The following WWOX variants were observed in gnomAD, a reference collection of about 807,000 sequenced individuals.
WWOX encodes the protein WW domain containing oxidoreductase, also known as WW domain-containing oxidoreductase.
Under a neutral mutation model 46.2 loss-of-function variants are expected in WWOX, and 69 were observed. That is an observed-to-expected ratio of 1.49 (90% CI 1.23 to 1.82). The LOEUF (loss-of-function observed/expected upper bound fraction) is 1.82, where lower values mean the gene tolerates loss of function less well. Among genes scored for constraint, WWOX ranks in the 40% most tolerant of loss-of-function variants. WWOX has a pLI of 0.00. For missense variants in WWOX, 919 were observed against 542.6 expected (o/e 1.69, Z -6.89); for synonymous variants, 359 against 202.6 (o/e 1.77, Z -6.56).
At chr16:79,063,013 G>A (rs986301873) in intron 8 of WWOX, among the ~76,000 whole-genome samples, 2 of 152,192 alleles carry the variant, frequency 1.3e-5, no homozygotes, top group African/African-American at 4.8e-5. Flanking sequence ...ATTTTGGCAG[G>A]TACCCTGCTT....
At chr16:78,546,092 C>G (rs969870442) in intron 8 of WWOX, among the ~76,000 whole-genome samples, 3 of 152,270 alleles carry the variant, frequency 2.0e-5, no homozygotes, top group Admixed American at 6.5e-5. Flanking sequence ...GGTCCCTACC[C>G]TCTGTCAGTT....
At chr16:78,920,528 C>T (rs991204567) in intron 8 of WWOX, among the ~76,000 whole-genome samples, 3 of 152,134 alleles carry the variant, frequency 2.0e-5, no homozygotes, top group South Asian at 2.1e-4. Flanking sequence ...TTGTCAGTCA[C>T]GTAGAAAGCA....
At chr16:78,814,453 A>G (rs1313149657) in intron 8 of WWOX, among the ~76,000 whole-genome samples, 3 of 151,908 alleles carry the variant, frequency 2.0e-5, no homozygotes, top group African/African-American at 7.3e-5. Context: ...TGATGAAACT[A>G]CCAAGAAGCC....
intron 8 of WWOX, among the ~76,000 whole-genome samples, chr16:78,547,523 A>G (rs1216840429): frequency 6.6e-6 from 1 of 152,192 alleles, no homozygotes; most frequent in African/African-American, 2.4e-5. Context: ...CTCATTCATT[A>G]GGCCATCCAG....
At chr16:78,904,009 A>G (rs1037090292) in intron 8 of WWOX, among the ~76,000 whole-genome samples, 3 of 152,118 alleles carry the variant, frequency 2.0e-5, no homozygotes, top group Non-Finnish European at 4.4e-5. Flanking sequence ...ATAAGCTATA[A>G]TCATATATCA....
At chr16:78,171,256 T>C (rs1176283501) in intron 5 of WWOX, among the ~76,000 whole-genome samples, 3 of 152,184 alleles carry the variant, frequency 2.0e-5, no homozygotes, top group Non-Finnish European at 2.9e-5. Context: ...TAAGGAACGA[T>C]GGGTAGGATG....
chr16:79,019,257 T>C lies in WWOX; in HGVS notation c.1057-192351T>C, dbSNP rs971114001. Among the ~76,000 whole-genome samples the C allele has an allele frequency of 9.0e-5, 13 of 144,748 alleles. No homozygotes were observed. In the South Asian group the frequency reaches 2.2e-3, roughly 24 times the overall value. 95.0% of individuals were successfully genotyped at this position (144,748 alleles called of 152,430 possible). ...GCAGTGGGGATGCAATTCTGAGAAA[T>C]GCATGGTTAGGTGGTTTCATCATTG... On this transcript the variant is annotated intron_variant, in intron 8 of 8. Coordinates refer to ENST00000566780, the MANE Select transcript of WWOX (RefSeq NM_016373.4).
At chr16:78,485,484 T>C (rs572567844) in intron 8 of WWOX, among the ~76,000 whole-genome samples, 12 of 152,314 alleles carry the variant, frequency 7.9e-5, no homozygotes, top group African/African-American at 2.2e-4. Context: ...TGGAAAGTTA[T>C]TTTGCCTCAC....
intron 8 of WWOX, among the ~76,000 whole-genome samples, chr16:78,696,243 C>G (rs1470063920): frequency 6.6e-6 from 1 of 152,176 alleles, no homozygotes; most frequent in African/African-American, 2.4e-5. Context: ...GATACTAATA[C>G]CTGCCTTCCT....
At chr16:78,254,628 C>A (rs534881502) in intron 5 of WWOX, among the ~76,000 whole-genome samples, 103 of 151,512 alleles carry the variant, frequency 6.8e-4, no homozygotes, top group Non-Finnish European at 1.1e-3. Flanking sequence ...ACCTCAGCCT[C>A]CCAAGTAGCT....
intron 8 of WWOX, among the ~76,000 whole-genome samples, chr16:78,640,320 C>T (rs184845767): frequency 3.1e-4 from 43 of 138,596 alleles, no homozygotes; most frequent in African/African-American, 1.2e-3. Context: ...ACTTCCAAAT[C>T]CAGATCTCTG....
chr16:78,540,676 T>C (rs1380169387), intron 8 of WWOX, among the ~76,000 whole-genome samples: 3 of 151,826 alleles, frequency 2.0e-5, no homozygotes, highest in Non-Finnish European at 2.9e-5. Flanking sequence ...CCTGCAAATT[T>C]TATCTAGTGG....
Position 79,212,199 on chromosome 16 carries a change from A to C in WWOX, c.*403A>C. 8.3e-6 allele frequency: 12 copies of C among 1,453,904 alleles called. No individual in the cohort carries two copies. The highest frequency in any genetic ancestry group is 2.5e-5 in the East Asian group (1 of 40,414). 90.1% of individuals were successfully genotyped at this position (1,453,904 alleles called of 1,614,324 possible). On this transcript the variant is annotated 3_prime_UTR_variant, in exon 9 of 9. Coordinates refer to ENST00000566780, the MANE Select transcript of WWOX (RefSeq NM_016373.4). ...TGCAGCCGGGGGCTGGCCTTCTCCT[A>C]CTTAGGGAAGAAAAAGCAAGTGTTC... is the stretch of plus-strand genomic sequence containing the variant.
intron 8 of WWOX, among the ~76,000 whole-genome samples, chr16:78,626,492 A>G (rs754907037): frequency 2.6e-5 from 4 of 152,138 alleles, no homozygotes; most frequent in Non-Finnish European, 5.9e-5. Context: ...AATGAATTTC[A>G]GGGAGGAAGA....
chr16:78,351,059 C>T (rs1321558698), intron 5 of WWOX, among the ~76,000 whole-genome samples: 1 of 152,212 alleles, frequency 6.6e-6, no homozygotes, highest in Non-Finnish European at 1.5e-5. Flanking sequence ...GGATATTGAA[C>T]ATCTCTTCAT....
chr16:78,508,983 C>T (rs1357330286), intron 8 of WWOX, among the ~76,000 whole-genome samples: 1 of 152,260 alleles, frequency 6.6e-6, no homozygotes, highest in Non-Finnish European at 1.5e-5. Context: ...ATTTCGCCAG[C>T]AGGATCTCCC....
At chr16:78,190,367 C>T (rs2035846980) in intron 5 of WWOX, among the ~76,000 whole-genome samples, 1 of 152,142 alleles carries the variant, frequency 6.6e-6, no homozygotes, top group African/African-American at 2.4e-5. Context: ...TTGACCCCGA[C>T]CTTGAAATAA....
chr16:78,394,169 T>G (rs1310155820), intron 6 of WWOX, among the ~76,000 whole-genome samples: 8 of 152,210 alleles, frequency 5.3e-5, no homozygotes. Flanking sequence ...GAATAATGTT[T>G]TAGCCAACAT....
chr16:78,753,726 TG>T, intron 8 of WWOX, among the ~76,000 whole-genome samples: 1 of 144,258 alleles, frequency 6.9e-6, no homozygotes, highest in Non-Finnish European at 1.5e-5. Flanking sequence ...TGCTTGAGCC[TG>T]GGAAGTCAAG....
Sources: gnomAD v4.1 joint callset for allele counts (sites outside exome capture counted in the v4.1 genomes callset) on GRCh38, gnomAD v4.1.1 for gene constraint, MANE v1.5 for transcripts, NCBI Gene and HGNC (gene_info 2026-07-23, HGNC 2026-07-21) for gene names.